WDPCP: variants seen among roughly 807,000 people sequenced by gnomAD.
The protein encoded by WDPCP is WD repeat containing planar cell polarity effector.
In WDPCP, 71 loss-of-function variants were observed where a neutral mutation model predicts 93.1. That is an observed-to-expected ratio of 0.76 (90% CI 0.63 to 0.93). The LOEUF (loss-of-function observed/expected upper bound fraction) is 0.93. Among genes scored for constraint, WDPCP ranks in the 40% least tolerant of loss-of-function variants. The pLI is 0.00. For missense variants in WDPCP, 844 were observed against 887.4 expected, an observed-to-expected ratio of 0.95 and a Z score of 0.62; for synonymous variants, 315 against 315.0, an observed-to-expected ratio of 1.00 and a Z score of 0.00.
intron 3 of WDPCP, among the ~76,000 whole-genome samples, chr2:63,636,713 C>CTGTTTTATTACAGTACAATACTGTAA (rs1709924466): frequency 6.6e-6 from 1 of 152,094 alleles, no homozygotes; most frequent in Admixed American, 6.6e-5. Context: ...CAATACTGGC[C>CTGTTTTATTACAGTACAATACTGTAA]TAAAAACAGA....
intron 11 of WDPCP, among the ~76,000 whole-genome samples, chr2:63,380,245 T>G (rs910224758): frequency 2.6e-5 from 4 of 152,158 alleles, no homozygotes; most frequent in Admixed American, 2.0e-4. Context: ...TTTCATTTTT[T>G]TTTTAAGTAT....
intron 13 of WDPCP, among the ~76,000 whole-genome samples, chr2:63,298,769 T>C (rs1175378937): frequency 1.3e-5 from 2 of 152,310 alleles, no homozygotes; most frequent in Admixed American, 6.5e-5. Context: ...CCTGCCACTG[T>C]TGCACTTGGC....
intron 1 of WDPCP, among the ~76,000 whole-genome samples, chr2:63,559,355 A>G (rs990477354): frequency 2.0e-5 from 3 of 152,156 alleles, no homozygotes; most frequent in African/African-American, 7.2e-5. Flanking sequence ...CCCTTTGAAA[A>G]CCAGCACAAG....
At chr2:63,635,887 G>T (rs540303716) in intron 3 of WDPCP, among the ~76,000 whole-genome samples, 1 of 152,162 alleles carries the variant, frequency 6.6e-6, no homozygotes, top group South Asian at 2.1e-4. Context: ...ACAGATCAAA[G>T]ATATCTACAT....
chr2:63,336,295 C>G (rs375334082), intron 12 of WDPCP, among the ~76,000 whole-genome samples: 2 of 152,146 alleles, frequency 1.3e-5, no homozygotes, highest in Non-Finnish European at 2.9e-5. Context: ...AAAATAGAAT[C>G]ATGTCATTTG....
chr2:63,714,700 G>A (rs758740611), intron 2 of WDPCP, among the ~76,000 whole-genome samples: 2 of 152,058 alleles, frequency 1.3e-5, no homozygotes, highest in South Asian at 2.1e-4. Context: ...ATGGTGGCAC[G>A]CACCTGTACT....
chr2:63,260,416 T>C (rs1376105886), intron 13 of WDPCP, among the ~76,000 whole-genome samples: 1 of 152,234 alleles, frequency 6.6e-6, no homozygotes. Context: ...TGTGACCTTA[T>C]GCAAATAAAT....
intron 1 of WDPCP, among the ~76,000 whole-genome samples, chr2:63,533,822 A>T (rs555878280): frequency 4.8e-4 from 73 of 152,322 alleles, no homozygotes; most frequent in African/African-American, 1.6e-3. Context: ...GAGCAAACAC[A>T]TTCACAAGCT....
chr2:63,270,190 A>T (rs1682513227), intron 13 of WDPCP, among the ~76,000 whole-genome samples: 1 of 152,222 alleles, frequency 6.6e-6, no homozygotes, highest in Non-Finnish European at 1.5e-5. Flanking sequence ...AGGTCACAAC[A>T]ATGAATCATC....
chr2:63,598,694 G>T (rs1709362835), intron 3 of WDPCP, among the ~76,000 whole-genome samples: 1 of 151,958 alleles, frequency 6.6e-6, no homozygotes, highest in Non-Finnish European at 1.5e-5. Context: ...TAGTATAAAT[G>T]AGTTTAATAG....
At position 63,749,730 on chromosome 2, in the gene WDPCP, C is replaced by A. The variant is rs566367736; in HGVS notation, n.308+63892G>T. ...TTTCAATGGGTGTATCAGGGAGTAA[C>A]CCCATTATAAGAAGCATCTGTAGTT... On this transcript the variant is annotated intron_variant and non_coding_transcript_variant, in intron 2 of 4. Transcript: ENST00000467687. Among the ~76,000 whole-genome samples, 4 of 152,028 alleles carry A rather than the reference C, an allele frequency of 2.6e-5. No individual in the cohort carries two copies. The South Asian group carries it at 8.3e-4, about 32-fold the overall frequency.
intron 12 of WDPCP, among the ~76,000 whole-genome samples, chr2:63,368,626 AATTTT>A (rs1378966030): frequency 1.3e-5 from 2 of 151,516 alleles, no homozygotes; most frequent in East Asian, 3.9e-4. Context: ...ACGCCCAGCC[AATTTT>A]ATTTAATTAA....
intron 11 of WDPCP, among the ~76,000 whole-genome samples, chr2:63,381,676 A>G (rs1437428418): frequency 6.6e-6 from 1 of 152,178 alleles, no homozygotes; most frequent in African/African-American, 2.4e-5. Context: ...TGTAAGCTCC[A>G]ACATAAGCAT....
At chr2:63,837,920 A>T in the WDPCP span, among the ~76,000 whole-genome samples, 1 of 152,260 alleles carries the variant, frequency 6.6e-6, no homozygotes, top group African/African-American at 2.4e-5. Flanking sequence ...CCTGGCCAAC[A>T]CGCCGAAACC....
intron 14 of WDPCP, among the ~76,000 whole-genome samples, chr2:63,191,161 G>T (rs923616208): frequency 3.3e-5 from 5 of 152,196 alleles, no homozygotes; most frequent in Non-Finnish European, 7.3e-5. Flanking sequence ...GGGAGGCTGA[G>T]GCAGGCGGAT....
chr2:63,177,040 C>T (rs995876570), intron 14 of WDPCP, among the ~76,000 whole-genome samples: 5 of 152,148 alleles, frequency 3.3e-5, no homozygotes, highest in African/African-American at 7.2e-5. Context: ...ATGGTGTTGA[C>T]ATCTGTCAAA....
intron 2 of WDPCP, among the ~76,000 whole-genome samples, chr2:63,726,846 C>T (rs1669502716): frequency 6.6e-6 from 1 of 152,078 alleles, no homozygotes; most frequent in Non-Finnish European, 1.5e-5. Flanking sequence ...TGGCTCTCAG[C>T]TTGAATGTTA....
At chr2:63,580,626 G>A (rs1708432545) in intron 1 of WDPCP, among the ~76,000 whole-genome samples, 2 of 152,224 alleles carry the variant, frequency 1.3e-5, no homozygotes, top group African/African-American at 4.8e-5. Flanking sequence ...TCAATGTCAT[G>A]AAAGACAAAG....
rs542068922 is a variant in WDPCP, at chr2:63,255,392, G to A, written c.1915+3915C>T. Among the ~76,000 whole-genome samples, 4 of 152,288 alleles carry A rather than the reference G, an allele frequency of 2.6e-5. No individual in the cohort carries two copies. In the East Asian group the frequency reaches 5.8e-4, roughly 22 times the overall value. The stretch of plus-strand genomic sequence containing the variant: ...TCCCCTCCAACTCTCATATTGAAAT[G>A]TAATCCCCCATGTTGGAGGTAGGGC... On this transcript the variant is annotated intron_variant, in intron 14 of 17. Coordinates refer to ENST00000272321, the MANE Select transcript of WDPCP (RefSeq NM_015910.7).
Sources: allele counts gnomAD v4.1 joint callset (sites outside exome capture counted in the v4.1 genomes callset), GRCh38; gene constraint gnomAD v4.1.1; transcripts MANE v1.5; gene names NCBI Gene and HGNC (gene_info 2026-07-23, HGNC 2026-07-21).